WWOX: variants seen among roughly 807,000 people sequenced by gnomAD.
WWOX encodes the protein WW domain containing oxidoreductase, also known as WW domain-containing oxidoreductase.
Under a neutral mutation model 46.2 loss-of-function variants are expected in WWOX, and 69 were observed. The observed-to-expected ratio is 1.49, with a 90% CI of 1.23 to 1.82. The LOEUF is 1.82. WWOX is among the 40% of genes most tolerant of loss of function. The pLI, the probability that WWOX is intolerant of heterozygous loss-of-function variation, is 0.00. For synonymous variants in WWOX, 359 were observed against 202.6 expected, an observed-to-expected ratio of 1.77 and a Z score of -6.56; for missense variants, 919 against 542.6, an observed-to-expected ratio of 1.69 and a Z score of -6.89.
chr16:78,204,913 A>G (rs1003213585), intron 5 of WWOX, among the ~76,000 whole-genome samples: 1 of 152,254 alleles, frequency 6.6e-6, no homozygotes, highest in African/African-American at 2.4e-5. Flanking sequence ...ATCAGAGAAT[A>G]GAGAATTTTA....
intron 8 of WWOX, among the ~76,000 whole-genome samples, chr16:78,977,726 G>C (rs2046601273): frequency 6.6e-6 from 1 of 152,054 alleles, no homozygotes; most frequent in African/African-American, 2.4e-5. Context: ...GGTGCAGGGG[G>C]TGCCTGCAAG....
chr16:78,748,688 G>C (rs953737976), intron 8 of WWOX, among the ~76,000 whole-genome samples: 13 of 152,184 alleles, frequency 8.5e-5, no homozygotes, highest in African/African-American at 2.7e-4. Context: ...TATTTGAGGT[G>C]CTGTCAGGGC....
At chr16:79,084,981 A>G (rs1399711187) in intron 8 of WWOX, among the ~76,000 whole-genome samples, 1 of 151,266 alleles carries the variant, frequency 6.6e-6, no homozygotes, top group East Asian at 2.0e-4. Flanking sequence ...GCTGGAGTGC[A>G]GTGGCACAAT....
At chr16:78,686,253 T>C (rs1282635570) in intron 8 of WWOX, among the ~76,000 whole-genome samples, 2 of 152,166 alleles carry the variant, frequency 1.3e-5, no homozygotes, top group South Asian at 2.1e-4. Context: ...GGCTCAGGCC[T>C]GTAATCCCAG....
intron 8 of WWOX, among the ~76,000 whole-genome samples, chr16:78,936,356 A>T (rs896641019): frequency 6.6e-6 from 1 of 152,044 alleles, no homozygotes; most frequent in African/African-American, 2.4e-5. Flanking sequence ...ATGACTCTGA[A>T]CCTTTTGAAG....
Position 78,875,924 on chromosome 16 carries a change from A to G in WWOX, c.1057-335684A>G, listed in dbSNP as rs572343026. 2.6e-4 allele frequency among the ~76,000 whole-genome samples: 40 copies of G among 152,296 alleles called. 2 individuals are homozygous for G. The South Asian group carries it at 3.1e-3, about 12-fold the overall frequency. On this transcript the variant is annotated intron_variant, in intron 8 of 8. Coordinates refer to ENST00000566780, the MANE Select transcript of WWOX (RefSeq NM_016373.4). ...TCTTTCTCCTGATACCATTTAGCCT[A>G]TTAGTACCTGGGAATAATCACCCTC...
At chr16:79,149,482 AG>A (rs2050238145) in intron 8 of WWOX, among the ~76,000 whole-genome samples, 1 of 152,136 alleles carries the variant, frequency 6.6e-6, no homozygotes, top group Non-Finnish European at 1.5e-5. Context: ...CATCCGTCTC[AG>A]TTTAGTGCCC....
At chr16:78,594,150 C>G (rs917524972) in intron 8 of WWOX, among the ~76,000 whole-genome samples, 2 of 152,010 alleles carry the variant, frequency 1.3e-5, no homozygotes, top group African/African-American at 4.8e-5. Flanking sequence ...AATGCCCATC[C>G]TTTAACCTGT....
At chr16:78,785,541 G>C (rs574517995) in intron 8 of WWOX, among the ~76,000 whole-genome samples, 1 of 152,076 alleles carries the variant, frequency 6.6e-6, no homozygotes, top group Non-Finnish European at 1.5e-5. Context: ...AATATGGGTA[G>C]CATATAATTT....
chr16:78,588,817 C>G (rs1394147108), intron 8 of WWOX, among the ~76,000 whole-genome samples: 1 of 152,112 alleles, frequency 6.6e-6, no homozygotes, highest in Non-Finnish European at 1.5e-5. Flanking sequence ...AGAGTGGTCT[C>G]TGTGGAGAGG....
chr16:78,874,066 C>G (rs1057431387), intron 8 of WWOX, among the ~76,000 whole-genome samples: 7 of 151,396 alleles, frequency 4.6e-5, no homozygotes, highest in African/African-American at 1.7e-4. Flanking sequence ...TTGAAACCAG[C>G]CTGACCAACC....
chr16:78,801,877 C>T (rs1280211067), intron 8 of WWOX, among the ~76,000 whole-genome samples: 1 of 152,068 alleles, frequency 6.6e-6, no homozygotes, highest in Non-Finnish European at 1.5e-5. Flanking sequence ...TCCGATTGTC[C>T]TGATCTAAAA....
intron 8 of WWOX, among the ~76,000 whole-genome samples, chr16:78,635,940 CTG>C (rs1170612601): frequency 1.3e-5 from 2 of 152,154 alleles, no homozygotes; most frequent in Non-Finnish European, 2.9e-5. Context: ...AGAGAGGTCA[CTG>C]TGGAAGTACA....
chr16:78,326,877 C>G (rs530001776), intron 5 of WWOX, among the ~76,000 whole-genome samples: 11 of 152,108 alleles, frequency 7.2e-5, no homozygotes, highest in Admixed American at 5.2e-4. Flanking sequence ...CGGTTGTATT[C>G]TATATGAATC....
chr16:78,526,825 G>C (rs1168888740), intron 8 of WWOX, among the ~76,000 whole-genome samples: 1 of 152,126 alleles, frequency 6.6e-6, no homozygotes, highest in East Asian at 1.9e-4. Flanking sequence ...ATCTTGAGGG[G>C]GGTCTGGGAG....
chr16:78,671,545 C>A (rs763952037), intron 8 of WWOX, among the ~76,000 whole-genome samples: 1 of 152,102 alleles, frequency 6.6e-6, no homozygotes, highest in Non-Finnish European at 1.5e-5. Context: ...ACAACCCTGC[C>A]CCTTCTAGTT....
At chr16:79,042,396 A>G (rs1332394410) in intron 8 of WWOX, among the ~76,000 whole-genome samples, 2 of 152,162 alleles carry the variant, frequency 1.3e-5, no homozygotes, top group African/African-American at 4.8e-5. Flanking sequence ...TGATCAATGT[A>G]TATCATTTTG....
chr16:78,117,401 A>T (rs1223964961), intron 4 of WWOX, among the ~76,000 whole-genome samples: 3 of 152,068 alleles, frequency 2.0e-5, no homozygotes, highest in African/African-American at 7.3e-5. Context: ...CACTCTTGGG[A>T]AGCATACGTC....
chr16:78,978,442 G>A (rs1292097689), intron 8 of WWOX, among the ~76,000 whole-genome samples: 2 of 152,202 alleles, frequency 1.3e-5, no homozygotes, highest in Non-Finnish European at 2.9e-5. Context: ...GCACCATGTT[G>A]CATTCCCACC....
Sources: allele counts gnomAD v4.1 joint callset (sites outside exome capture counted in the v4.1 genomes callset), GRCh38; gene constraint gnomAD v4.1.1; transcripts MANE v1.5; gene names NCBI Gene and HGNC (gene_info 2026-07-23, HGNC 2026-07-21).